Variants in AKT3 observed in about 807,000 individuals in gnomAD.
AKT3 encodes AKT serine/threonine kinase 3, also known as RAC-gamma serine/threonine-protein kinase.
In AKT3, 15 loss-of-function variants were observed where a neutral mutation model predicts 65.3. The ratio of observed to expected loss-of-function variants is 0.23; its 90% CI spans 0.15 to 0.35. The LOEUF is 0.35. Ranked by LOEUF, AKT3 falls within the 10% of genes least tolerant of loss-of-function variation. The probability of loss-of-function intolerance (pLI) is 1.00; values close to 1 mark genes in which losing one functional copy is unlikely to be tolerated. For missense variants in AKT3, 243 were observed against 576.5 expected, an observed-to-expected ratio of 0.42 and a Z score of 5.92; for synonymous variants, 206 against 183.8, an observed-to-expected ratio of 1.12 and a Z score of -0.98.
chr1:243,731,308 CCAAT>C (rs935011483), intron 2 of AKT3, among the ~76,000 whole-genome samples: 1 of 152,154 alleles, frequency 6.6e-6, no homozygotes, highest in Non-Finnish European at 1.5e-5. Context: ...TGCAATATCA[CCAAT>C]AATAAGGCAA....
intron 8 of AKT3, among the ~76,000 whole-genome samples, chr1:243,576,216 G>C (rs979103657): frequency 1.3e-5 from 2 of 152,072 alleles, no homozygotes; most frequent in African/African-American, 4.8e-5. Flanking sequence ...CAGTAAACTA[G>C]ATATTGAAGG....
At chr1:243,554,237 G>T (rs1369339215) in intron 10 of AKT3, among the ~76,000 whole-genome samples, 1 of 152,028 alleles carries the variant, frequency 6.6e-6, no homozygotes, top group Non-Finnish European at 1.5e-5. Context: ...TTACTTAAAA[G>T]ATCTATTCAA....
chr1:243,692,021 G>A (rs1684725039), intron 3 of AKT3, among the ~76,000 whole-genome samples: 1 of 152,152 alleles, frequency 6.6e-6, no homozygotes, highest in African/African-American at 2.4e-5. Context: ...AGGAGATGGT[G>A]ATCAACAGTA....
At chr1:243,833,316 T>C (rs939290527) in intron 2 of AKT3, among the ~76,000 whole-genome samples, 12 of 152,060 alleles carry the variant, frequency 7.9e-5, no homozygotes, top group Admixed American at 2.6e-4. Flanking sequence ...AGAAGTTTAA[T>C]TGACTCATAG....
At chr1:243,645,616 A>G (rs893538761) in intron 5 of AKT3, among the ~76,000 whole-genome samples, 3 of 152,224 alleles carry the variant, frequency 2.0e-5, no homozygotes, top group Admixed American at 6.5e-5. Context: ...TATTAAAAAT[A>G]ATAAGGAAAA....
At chr1:243,835,448 C>A (rs1293031325) in intron 2 of AKT3, among the ~76,000 whole-genome samples, 1 of 152,088 alleles carries the variant, frequency 6.6e-6, no homozygotes, top group African/African-American at 2.4e-5. Flanking sequence ...ATCCATATAA[C>A]AAACCTGTAC....
intron 2 of AKT3, among the ~76,000 whole-genome samples, chr1:243,840,911 T>C (rs1262899845): frequency 6.6e-6 from 1 of 152,092 alleles, no homozygotes; most frequent in African/African-American, 2.4e-5. Flanking sequence ...GGTTAAAGTT[T>C]AGTATATTAT....
intron 2 of AKT3, among the ~76,000 whole-genome samples, chr1:243,728,092 T>C (rs758320468): frequency 6.6e-6 from 1 of 152,226 alleles, no homozygotes; most frequent in South Asian, 2.1e-4. Flanking sequence ...TACGTTAACA[T>C]GACTTGACTA....
intron 10 of AKT3, among the ~76,000 whole-genome samples, chr1:243,557,269 T>C (rs528589836): frequency 6.6e-6 from 1 of 152,228 alleles, no homozygotes; most frequent in East Asian, 1.9e-4. Context: ...ACAATAGCCA[T>C]TGTAAAATAC....
At chr1:243,683,053 G>A (rs1684035189) in intron 3 of AKT3, among the ~76,000 whole-genome samples, 1 of 152,098 alleles carries the variant, frequency 6.6e-6, no homozygotes, top group Non-Finnish European at 1.5e-5. Flanking sequence ...TTGTATCTGT[G>A]GAATAAGAAA....
intron 1 of AKT3, among the ~76,000 whole-genome samples, chr1:243,844,646 TA>T (rs998759721): frequency 6.6e-6 from 1 of 152,016 alleles, no homozygotes; most frequent in Admixed American, 6.6e-5. Flanking sequence ...AGCTAATTTT[TA>T]AAAAAAATTT....
intron 5 of AKT3, among the ~76,000 whole-genome samples, chr1:243,642,994 G>A (rs534483114): frequency 1.3e-5 from 2 of 152,310 alleles, no homozygotes; most frequent in South Asian, 4.1e-4. Flanking sequence ...AAAGAGCTCT[G>A]ACGAAGTTCA....
At chr1:243,509,368 C>A (rs1669878669) in intron 13 of AKT3, among the ~76,000 whole-genome samples, 1 of 152,112 alleles carries the variant, frequency 6.6e-6, no homozygotes, top group South Asian at 2.1e-4. Context: ...ATGACAAATT[C>A]TCATCAGGAC....
intron 13 of AKT3, among the ~76,000 whole-genome samples, chr1:243,489,400 T>C (rs941103582): frequency 6.6e-6 from 1 of 152,154 alleles, no homozygotes; most frequent in Admixed American, 6.5e-5. Context: ...GAGTGCCAAG[T>C]TGCGCCGTGC....
At chr1:243,600,825 T>G (rs1676951646) in intron 8 of AKT3, among the ~76,000 whole-genome samples, 1 of 152,132 alleles carries the variant, frequency 6.6e-6, no homozygotes, top group Non-Finnish European at 1.5e-5. Context: ...AAAAACAAAA[T>G]GTACAAATCA....
intron 3 of AKT3, among the ~76,000 whole-genome samples, chr1:243,671,525 GT>G (rs1271529369): frequency 6.6e-6 from 1 of 152,078 alleles, no homozygotes; most frequent in East Asian, 1.9e-4. Context: ...TCTATCTTTT[GT>G]TTAATGTTTT....
chr1:243,567,419 CA>C (rs1404839742), intron 9 of AKT3, among the ~76,000 whole-genome samples: 1 of 151,934 alleles, frequency 6.6e-6, no homozygotes, highest in Non-Finnish European at 1.5e-5. Flanking sequence ...CTGATCCTCC[CA>C]CCTCAGCCTC....
chr1:243,832,226 C>T (rs996811193), intron 2 of AKT3, among the ~76,000 whole-genome samples: 1 of 142,016 alleles, frequency 7.0e-6, no homozygotes, highest in Non-Finnish European at 1.5e-5. Context: ...TAAGAAAAAG[C>T]TATCTTTCTA....
chr1:243,773,026 A>G (rs1416036011), intron 2 of AKT3, among the ~76,000 whole-genome samples: 4 of 87,018 alleles, frequency 4.6e-5, no homozygotes, highest in Non-Finnish European at 8.3e-5. Context: ...ATCACACACC[A>G]GGGGCTGTTG....
Sources: gnomAD v4.1 joint callset for allele counts (sites outside exome capture counted in the v4.1 genomes callset) on GRCh38, gnomAD v4.1.1 for gene constraint, MANE v1.5 for transcripts, NCBI Gene and HGNC (gene_info 2026-07-23, HGNC 2026-07-21) for gene names.